PGC: variants seen among roughly 807,000 people sequenced by gnomAD.
PGC encodes gastricsin.
PGC carries 31 observed loss-of-function variants against 45.9 expected under a neutral mutation model. The observed-to-expected ratio is 0.67, with a 90% CI of 0.51 to 0.91. The LOEUF (loss-of-function observed/expected upper bound fraction) is 0.91. Among genes scored for constraint, PGC ranks in the 40% least tolerant of loss-of-function variants. The probability of loss-of-function intolerance (pLI) is 0.00; values close to 1 mark genes in which losing one functional copy is unlikely to be tolerated. For missense variants in PGC, 477 were observed against 493.2 expected (o/e 0.97, Z 0.31); for synonymous variants, 192 against 201.8 (o/e 0.95, Z 0.41).
At chr6:41,745,242 AC>A (rs1325528717) in intron 1 of PGC, among the ~76,000 whole-genome samples, 1 of 57,264 alleles carries the variant, frequency 1.7e-5, no homozygotes, top group Non-Finnish European at 3.8e-5. Context: ...CAGGATATGT[AC>A]TTTTTTTTTT....
intron 4 of PGC, 126 bp from the exon 5 acceptor site, chr6:41,742,615 G>A: frequency 1.4e-6 from 1 of 720,310 alleles, no homozygotes; most frequent in East Asian, 2.7e-5. Context: ...TTTTTGTTTT[G>A]GTTTTCTTGT....
intron 5 of PGC, chr6:41,741,919 C>A: frequency 1.6e-6 from 2 of 1,220,834 alleles, no homozygotes; most frequent in East Asian, 2.5e-5. Context: ...AACATTCGGT[C>A]AGAAGGAAGT....
At chr6:41,737,138 G>T in intron 8 of PGC, 134 bp from the exon 9 acceptor site, 1 of 784,170 alleles carries the variant, frequency 1.3e-6, no homozygotes. Context: ...GGGCTCATAG[G>T]CCAACTGAGC....
At chr6:41,740,190 A>G (rs1771794815) in intron 6 of PGC, among the ~76,000 whole-genome samples, 1 of 152,216 alleles carries the variant, frequency 6.6e-6, no homozygotes, top group Non-Finnish European at 1.5e-5. Flanking sequence ...ACTTTGAGCA[A>G]ATTAGTTGCT....
chr6:41,743,812 G>A (rs1428995401), intron 3 of PGC, among the ~76,000 whole-genome samples: 1 of 152,166 alleles, frequency 6.6e-6, no homozygotes, highest in African/African-American at 2.4e-5. Flanking sequence ...TCATCAAGAA[G>A]CCAGTCATAA....
intron 5 of PGC, 44 bp from the exon 6 acceptor site, chr6:41,740,654 A>G: frequency 6.4e-7 from 1 of 1,555,214 alleles, no homozygotes; most frequent in African/African-American, 1.4e-5. Flanking sequence ...GTGCCATGGA[A>G]AAGGACTTTC....
chr6:41,739,953 G>A lies in PGC; in HGVS notation c.768-7C>T, dbSNP rs757623439. The A allele has an allele frequency of 1.1e-5, 17 of 1,613,222 alleles. No individual in the cohort carries two copies. The highest frequency in any genetic ancestry group is 1.4e-5 in the Non-Finnish European group (17 of 1,179,504). The stretch of plus-strand genomic sequence containing the variant: ...CTGGCCGCCGATGAGGAACCTGTAT[G>A]GGGAGAAGACAGGCAGCCTCAGGAC... On this transcript the variant is annotated splice_polypyrimidine_tract_variant and splice_region_variant and intron_variant, in intron 6 of 8. Coordinates refer to ENST00000373025, the MANE Select transcript of PGC (RefSeq NM_002630.4).
intron 5 of PGC, chr6:41,741,208 T>C: frequency 6.6e-7 from 1 of 1,513,550 alleles, no homozygotes; most frequent in Non-Finnish European, 8.8e-7. Flanking sequence ...AGCTGGAGTG[T>C]GGAGCTGGGT....
At position 41,739,928 on chromosome 6, in the gene PGC, C is replaced by T; in HGVS notation, c.786G>A (p.Gln262=). ...AACCCTCAGAACACCAGCCGGAGGC[C>T]TGGCCGCCGATGAGGAACCTGTATG... The part of the protein sequence containing the change: ...IGIEEFLIGG[Q]ASGWCSEGCQ... The change falls in exon 7 of 9, where the codon CAG becomes CAA. Residue 262 remains glutamine, a synonymous_variant. Coordinates refer to ENST00000373025, the MANE Select transcript of PGC (RefSeq NM_002630.4). 6.2e-7 allele frequency: 1 copy of T among 1,613,970 alleles called. No homozygotes were observed. The highest frequency in any genetic ancestry group is 8.5e-7 in the Non-Finnish European group (1 of 1,179,920).
At position 41,743,450 on chromosome 6, in the gene PGC, G is replaced by T. The variant is rs1213651555; in HGVS notation, c.329-61C>A. ...CTGGGGCAGGGCTGCTCAGCTCTCAGGCCTGCCGGGTTCCCACCTCAGCCT... is the reference window on the plus strand; with the variant it reads ...CTGGGGCAGGGCTGCTCAGCTCTCATGCCTGCCGGGTTCCCACCTCAGCCT... On this transcript the variant is annotated intron_variant, in intron 3 of 8. Coordinates refer to ENST00000373025, the MANE Select transcript of PGC (RefSeq NM_002630.4). 11 of 1,021,216 alleles carry T rather than the reference G, an allele frequency of 1.1e-5. No individual in the cohort carries two copies. The African/African-American group carries it at 1.6e-4, about 15-fold the overall frequency. The allele number at this position is 1,021,216 out of a possible 1,614,324, so 63.3% of individuals were successfully genotyped here. A position where few individuals can be genotyped will look rare whatever the true frequency, so the allele number is the denominator to read the frequency against.
At chr6:41,742,651 A>T (rs1329419231) in intron 4 of PGC, among the ~76,000 whole-genome samples, 162 bp from the exon 5 acceptor site, 2 of 152,050 alleles carry the variant, frequency 1.3e-5, no homozygotes, top group Admixed American at 6.6e-5. Flanking sequence ...TTTGAGACAG[A>T]GTCTCGCCCT....
chr6:41,740,329 G>A (rs1178040682), intron 6 of PGC, among the ~76,000 whole-genome samples, 162 bp downstream of exon 6: 1 of 152,158 alleles, frequency 6.6e-6, no homozygotes, highest in Non-Finnish European at 1.5e-5. Context: ...GCTGAGCTGG[G>A]CTTTGTCACC....
At chr6:41,738,241 TATA>T (rs1561880036) in intron 7 of PGC, among the ~76,000 whole-genome samples, 5 of 21,782 alleles carry the variant, frequency 2.3e-4, no homozygotes, top group Non-Finnish European at 4.6e-4. Flanking sequence ...TATATATGTA[TATA>T]TATATGCATA....
intron 5 of PGC, chr6:41,741,829 G>C: frequency 1.3e-6 from 2 of 1,536,100 alleles, no homozygotes; most frequent in Non-Finnish European, 1.7e-6. Context: ...TAGACCAGAA[G>C]ACTCCAGGAC....
In PGC at chr6:41,740,571, AC is replaced by A; in HGVS notation, c.686del (p.Gly229ValfsTer61). ...GSSGGAVVFG[G>X]VDSSLYTGQI... ...GCCCCGTGTACAGGCTGCTATCCAC[AC>A]CCCCAAAGACAACCGCTCCCCCGCT... On this transcript the variant is annotated frameshift_variant, in exon 6 of 9. Transcript: ENST00000373025. LOFTEE classifies it high-confidence loss of function. 6.2e-7 allele frequency: 1 copy of A among 1,604,364 alleles called. No individual in the cohort carries two copies. Among genetic ancestry groups the A allele is most frequent in the Non-Finnish European group, 8.5e-7 (1 of 1,175,652 alleles).
chr6:41,743,135 T>C, intron 4 of PGC, 136 bp downstream of exon 4: 1 of 704,904 alleles, frequency 1.4e-6, no homozygotes, highest in Non-Finnish European at 2.6e-6. Context: ...AGTGACTGAA[T>C]GGACCTGTCT....
At chr6:41,737,876 A>AC in intron 7 of PGC, 48 bp from the exon 8 acceptor site, 1 of 1,087,950 alleles carries the variant, frequency 9.2e-7, no homozygotes, top group Non-Finnish European at 1.4e-6. Flanking sequence ...CCCTGATAGC[A>AC]CCCACCAGCC....
At chr6:41,740,698 CT>C in intron 5 of PGC, 88 bp from the exon 6 acceptor site, 2 of 1,504,030 alleles carry the variant, frequency 1.3e-6, no homozygotes. Context: ...GGAAACAGAG[CT>C]CCTTCCCTGA....
chr6:41,741,828 A>G, intron 5 of PGC: 1 of 1,536,334 alleles, frequency 6.5e-7, no homozygotes, highest in Non-Finnish European at 8.7e-7. Flanking sequence ...CTAGACCAGA[A>G]GACTCCAGGA....
Sources: allele counts gnomAD v4.1 joint callset (sites outside exome capture counted in the v4.1 genomes callset), GRCh38; gene constraint gnomAD v4.1.1; transcripts MANE v1.5; gene names NCBI Gene and HGNC (gene_info 2026-07-23, HGNC 2026-07-21).